The following RAP1B variants were observed in gnomAD, a reference collection of about 807,000 sequenced individuals.
RAP1B encodes RAP1B, member of RAS oncogene family.
RAP1B carries 1 observed loss-of-function variant against 27.5 expected under a neutral mutation model. That is an observed-to-expected ratio of 0.04 (90% CI 0.01 to 0.17). The LOEUF is 0.17. Ranked by LOEUF, RAP1B falls within the 10% of genes least tolerant of loss-of-function variation. The pLI, the probability that RAP1B is intolerant of heterozygous loss-of-function variation, is 1.00. For synonymous variants in RAP1B, 75 were observed against 73.1 expected (o/e 1.03, Z -0.13); for missense variants, 84 against 214.8 (o/e 0.39, Z 3.81).
At chr12:68,641,405 C>T (rs886230460) in intron 1 of RAP1B, among the ~76,000 whole-genome samples, 1 of 152,266 alleles carries the variant, frequency 6.6e-6, no homozygotes, top group Middle Eastern at 3.4e-3. Flanking sequence ...CTTTCCATGT[C>T]TTTGCTGTGG....
At chr12:68,648,840 T>C in intron 2 of RAP1B, 59 bp downstream of exon 2, 1 of 1,449,926 alleles carries the variant, frequency 6.9e-7, no homozygotes, top group Non-Finnish European at 9.4e-7. Flanking sequence ...TTCTGTTGAG[T>C]TTTAGGTTTT....
intron 1 of RAP1B, among the ~76,000 whole-genome samples, chr12:68,631,546 A>T (rs1370402680): frequency 6.6e-6 from 1 of 152,194 alleles, no homozygotes; most frequent in Admixed American, 6.5e-5. Context: ...ACTGAAGATT[A>T]CTGCTATTTT....
intron 1 of RAP1B, among the ~76,000 whole-genome samples, chr12:68,619,511 T>C (rs565574501): frequency 2.0e-5 from 3 of 152,342 alleles, no homozygotes; most frequent in South Asian, 2.1e-4. Flanking sequence ...TTTAATGTTA[T>C]AGAGAACATA....
At chr12:68,617,035 G>A (rs1871077854) in intron 1 of RAP1B, among the ~76,000 whole-genome samples, 1 of 152,148 alleles carries the variant, frequency 6.6e-6, no homozygotes, top group Non-Finnish European at 1.5e-5. Context: ...TTCTGGAAAG[G>A]AAATGGAAAA....
rs1195912297 is a variant in RAP1B at position 68,669,587 on chromosome 12, G to C, written c.*10338G>C. 1 of 152,244 alleles carries C rather than the reference G, an allele frequency of 6.6e-6. No individual in the cohort carries two copies. The highest frequency in any genetic ancestry group is 2.4e-5 in the African/African-American group (1 of 41,440). 9.4% of individuals were successfully genotyped at this position (152,244 alleles called of 1,614,324 possible). On this transcript the variant is annotated 3_prime_UTR_variant, in exon 8 of 8. Coordinates refer to ENST00000250559, the MANE Select transcript of RAP1B (RefSeq NM_001010942.3). Reference sequence around the variant, plus strand: ...GGAGGCCGAGGGGGGCGGATCACGAGGTCAGGAGATGGAGACCATCCTGGC... The same window carrying C: ...GGAGGCCGAGGGGGGCGGATCACGACGTCAGGAGATGGAGACCATCCTGGC...
chr12:68,621,840 G>A (rs1871406729), intron 1 of RAP1B, among the ~76,000 whole-genome samples: 1 of 152,210 alleles, frequency 6.6e-6, no homozygotes, highest in South Asian at 2.1e-4. Flanking sequence ...TCATCACTAA[G>A]CAGTTTGACT....
chr12:68,611,406 C>T (rs1261022369), intron 1 of RAP1B, among the ~76,000 whole-genome samples: 1 of 149,556 alleles, frequency 6.7e-6, no homozygotes, highest in Non-Finnish European at 1.5e-5. Context: ...CGCCGCCCTC[C>T]TTTCCCCGCC....
intron 1 of RAP1B, chr12:68,621,365 TAG>T (rs2135918850): frequency 6.6e-6 from 1 of 152,348 alleles, no homozygotes; most frequent in African/African-American, 2.4e-5. Context: ...CTATTATTTA[TAG>T]AGTTTTAGTT....
At chr12:68,658,036 T>C (rs1273052366) in intron 7 of RAP1B, among the ~76,000 whole-genome samples, 1 of 152,254 alleles carries the variant, frequency 6.6e-6, no homozygotes, top group Admixed American at 6.5e-5. Context: ...ACCTGGCACA[T>C]AGTTAACACT....
At chr12:68,633,049 T>C (rs1872378999) in intron 1 of RAP1B, among the ~76,000 whole-genome samples, 1 of 152,246 alleles carries the variant, frequency 6.6e-6, no homozygotes, top group South Asian at 2.1e-4. Flanking sequence ...AGAAGCTCAC[T>C]AAGTTAGAAA....
intron 1 of RAP1B, among the ~76,000 whole-genome samples, chr12:68,612,747 C>A (rs1286902398): frequency 6.6e-6 from 1 of 152,136 alleles, no homozygotes; most frequent in Admixed American, 6.5e-5. Context: ...GCACACAGAG[C>A]CTGAATGATA....
chr12:68,656,719 G>T, intron 6 of RAP1B: 1 of 540,842 alleles, frequency 1.8e-6, no homozygotes, highest in Non-Finnish European at 3.2e-6. Flanking sequence ...AAGACTTCAG[G>T]TATATGAAGG....
intron 1 of RAP1B, among the ~76,000 whole-genome samples, chr12:68,618,159 C>T (rs1478453698): frequency 4.6e-5 from 6 of 131,686 alleles, no homozygotes; most frequent in African/African-American, 1.7e-4. Context: ...ACAATCTTCG[C>T]TCAGTGCAAC....
At chr12:68,635,053 A>T (rs1240337327) in intron 1 of RAP1B, among the ~76,000 whole-genome samples, 1 of 152,236 alleles carries the variant, frequency 6.6e-6, no homozygotes, top group African/African-American at 2.4e-5. Flanking sequence ...TGGCAGAATG[A>T]GTAAGATTGG....
chr12:68,663,588 G>A lies in RAP1B; in HGVS notation c.*4339G>A, dbSNP rs1398696779. 6.6e-6 allele frequency: 1 copy of A among 152,104 alleles called. No individual in the cohort carries two copies. The highest frequency in any genetic ancestry group is 2.4e-5 in the African/African-American group (1 of 41,418). 9.4% of individuals were successfully genotyped at this position (152,104 alleles called of 1,614,324 possible). On this transcript the variant is annotated 3_prime_UTR_variant, in exon 8 of 8. Transcript: ENST00000250559. ...AAGTAAAGTGCTTATTGCTAAATAG[G>A]TCTGTATTCTAAATGCTGCCATTTT...
Position 68,611,944 on chromosome 12 carries a change from G to T in RAP1B, c.-27+901G>T, listed in dbSNP as rs538682997. 5.3e-5 allele frequency among the ~76,000 whole-genome samples: 8 copies of T among 152,248 alleles called. No homozygotes were observed. In the East Asian group the frequency reaches 1.3e-3, roughly 26 times the overall value. On this transcript the variant is annotated intron_variant, in intron 1 of 7. Transcript: ENST00000250559. ...AAACACTGATGTCTTTTGGAGAAAA[G>T]ATCATTTTTGCAAGTTAAAGCAGAT... is the stretch of plus-strand genomic sequence containing the variant.
chr12:68,667,097 TCC>T lies in RAP1B; in HGVS notation c.*7853_*7854del, dbSNP rs755602298. ...ATATTTATCAATGATGACAGAAACT[TCC>T]CCCCTTTTACTTAGATCTAATAGTA... On this transcript the variant is annotated 3_prime_UTR_variant, in exon 8 of 8. Coordinates refer to ENST00000250559, the MANE Select transcript of RAP1B (RefSeq NM_001010942.3). 1 of 152,080 alleles carries T rather than the reference TCC, an allele frequency of 6.6e-6. No homozygotes were observed. The highest frequency in any genetic ancestry group is 2.4e-5 in the African/African-American group (1 of 41,422). 9.4% of individuals were successfully genotyped at this position (152,080 alleles called of 1,614,324 possible).
At chr12:68,638,493 T>TA (rs1423872792) in intron 1 of RAP1B, among the ~76,000 whole-genome samples, 1 of 152,306 alleles carries the variant, frequency 6.6e-6, no homozygotes, top group Non-Finnish European at 1.5e-5. Context: ...GATGTTGTCT[T>TA]ACGTTTATTT....
At chr12:68,617,158 G>A (rs1007145949) in intron 1 of RAP1B, among the ~76,000 whole-genome samples, 2 of 152,156 alleles carry the variant, frequency 1.3e-5, no homozygotes, top group Admixed American at 1.3e-4. Context: ...TAAGTTCTCA[G>A]TTAATAGAAC....
Sources: allele counts gnomAD v4.1 joint callset (sites outside exome capture counted in the v4.1 genomes callset), GRCh38; gene constraint gnomAD v4.1.1; transcripts MANE v1.5; gene names NCBI Gene and HGNC (gene_info 2026-07-23, HGNC 2026-07-21).